The following CCDC60 variants were observed in gnomAD, a reference collection of about 807,000 sequenced individuals.
The protein encoded by CCDC60 is coiled-coil domain containing 60.
CCDC60 carries 54 observed loss-of-function variants against 63.5 expected under a neutral mutation model. The observed-to-expected ratio is 0.85, with a 90% CI of 0.68 to 1.07. The LOEUF is 1.07. Ranked by LOEUF, CCDC60 falls within the 50% of genes least tolerant of loss-of-function variation. CCDC60 has a pLI of 0.00. For synonymous variants in CCDC60, 206 were observed against 238.8 expected, an observed-to-expected ratio of 0.86 and a Z score of 1.27; for missense variants, 651 against 684.3, an observed-to-expected ratio of 0.95 and a Z score of 0.54.
intron 2 of CCDC60, among the ~76,000 whole-genome samples, chr12:119,450,856 C>CA (rs761740089): frequency 2.6e-4 from 22 of 85,516 alleles, no homozygotes; most frequent in Non-Finnish European, 3.6e-4. Context: ...GACTCCATCT[C>CA]AAAAAAAAAA....
intron 2 of CCDC60, among the ~76,000 whole-genome samples, chr12:119,431,245 A>G (rs1050846432): frequency 6.6e-6 from 1 of 152,238 alleles, no homozygotes; most frequent in African/African-American, 2.4e-5. Context: ...TGAAATCAGT[A>G]TCCCCGAGCA....
Position 119,420,932 on chromosome 12 carries a change from T to G in CCDC60, c.91-7751T>G, listed in dbSNP as rs1219835322. On this transcript the variant is annotated intron_variant, in intron 1 of 13. Coordinates refer to ENST00000327554, the MANE Select transcript of CCDC60 (RefSeq NM_178499.5). The surrounding 1 kb of genome is among the most constrained non-coding windows in gnomAD (Gnocchi z 4.1). Reference sequence around the variant, plus strand: ...GCTAAGGTCTCCGGGTTCATGTGTGTACTCCTGCCATGATCCCGCCTACTC... The same window carrying G: ...GCTAAGGTCTCCGGGTTCATGTGTGGACTCCTGCCATGATCCCGCCTACTC... Among the ~76,000 whole-genome samples, 1 of 152,214 alleles carries G rather than the reference T, an allele frequency of 6.6e-6. No homozygotes were observed. Among genetic ancestry groups the G allele is most frequent in the Non-Finnish European group, 1.5e-5 (1 of 68,040 alleles).
intron 5 of CCDC60, among the ~76,000 whole-genome samples, chr12:119,493,569 A>G (rs530864804): frequency 1.3e-5 from 2 of 152,190 alleles, no homozygotes; most frequent in South Asian, 2.1e-4. Context: ...CAATTTCATC[A>G]TGTGGCAATT....
At chr12:119,375,079 C>T (rs1955937784) in intron 1 of CCDC60, among the ~76,000 whole-genome samples, 1 of 152,126 alleles carries the variant, frequency 6.6e-6, no homozygotes, top group Admixed American at 6.5e-5. Flanking sequence ...AATGCCTAGC[C>T]TCCTGGGAAT....
intron 4 of CCDC60, among the ~76,000 whole-genome samples, chr12:119,485,997 A>G (rs1422797049): frequency 6.6e-6 from 1 of 152,032 alleles, no homozygotes; most frequent in Non-Finnish European, 1.5e-5. Context: ...CACATATCCC[A>G]AAGCCCAGGC....
At chr12:119,501,601 G>C (rs566955035) in intron 6 of CCDC60, among the ~76,000 whole-genome samples, 1 of 151,990 alleles carries the variant, frequency 6.6e-6, no homozygotes, top group Non-Finnish European at 1.5e-5. Flanking sequence ...CTTTCATCAG[G>C]GTGCTCCTAG....
At chr12:119,451,597 T>C (rs369403431) in intron 2 of CCDC60, among the ~76,000 whole-genome samples, 97 of 152,232 alleles carry the variant, frequency 6.4e-4, no homozygotes, top group African/African-American at 2.3e-3. Context: ...GCCATGGACA[T>C]CAGGAGTGGA....
intron 8 of CCDC60, among the ~76,000 whole-genome samples, chr12:119,516,916 C>G (rs1293162354): frequency 6.6e-6 from 1 of 152,150 alleles, no homozygotes; most frequent in African/African-American, 2.4e-5. Context: ...GCTCAGAGAG[C>G]CTATGTGACT....
Position 119,374,601 on chromosome 12 carries a change from C to T in CCDC60, c.90+39335C>T, listed in dbSNP as rs561794765. Among the ~76,000 whole-genome samples the T allele has an allele frequency of 4.6e-5, 7 of 152,160 alleles. No individual in the cohort carries two copies. In the South Asian group the frequency reaches 6.2e-4, roughly 14 times the overall value. On this transcript the variant is annotated intron_variant, in intron 1 of 13. Coordinates refer to ENST00000327554, the MANE Select transcript of CCDC60 (RefSeq NM_178499.5). ...CTTGGACCGCACATAAGAAAGAATA[C>T]GGGGCAAGTCCATAGAGTAAAGTGA... is the stretch of plus-strand genomic sequence containing the variant.
intron 13 of CCDC60, among the ~76,000 whole-genome samples, chr12:119,533,393 C>A (rs1952913075): frequency 6.6e-6 from 1 of 152,148 alleles, no homozygotes; most frequent in Non-Finnish European, 1.5e-5. Flanking sequence ...ATGATAGTTT[C>A]TTTTGCTGTG....
At chr12:119,354,112 TTCTC>T (rs368379448) in intron 1 of CCDC60, among the ~76,000 whole-genome samples, 65 of 151,690 alleles carry the variant, frequency 4.3e-4, no homozygotes, top group African/African-American at 1.4e-3. Context: ...TCTTCTCCAT[TTCTC>T]TCTCTCTCTT....
chr12:119,509,714 G>A (rs1281569265), intron 7 of CCDC60, among the ~76,000 whole-genome samples: 1 of 152,044 alleles, frequency 6.6e-6, no homozygotes. Flanking sequence ...AAGTATTTTT[G>A]TATCAGCTCC....
At chr12:119,424,511 T>G (rs898275860) in intron 1 of CCDC60, among the ~76,000 whole-genome samples, 1 of 152,226 alleles carries the variant, frequency 6.6e-6, no homozygotes, top group African/African-American at 2.4e-5. Context: ...CCTGGCGACA[T>G]AATTTCCTTG....
At chr12:119,499,448 G>A (rs1033741825) in intron 5 of CCDC60, among the ~76,000 whole-genome samples, 7 of 152,258 alleles carry the variant, frequency 4.6e-5, no homozygotes, top group Non-Finnish European at 8.8e-5. Flanking sequence ...CTGTAAGTAA[G>A]TGACTTAAAC....
intron 1 of CCDC60, among the ~76,000 whole-genome samples, chr12:119,403,159 ATCT>A (rs1171473367): frequency 6.6e-6 from 1 of 152,124 alleles, no homozygotes; most frequent in African/African-American, 2.4e-5. Flanking sequence ...GCAGAAAGAG[ATCT>A]TCTCTTTCCC....
At chr12:119,476,061 G>A (rs574712006) in intron 3 of CCDC60, among the ~76,000 whole-genome samples, 6 of 151,906 alleles carry the variant, frequency 3.9e-5, no homozygotes, top group East Asian at 1.9e-4. Context: ...TCATAAAAGC[G>A]AAAGGAATTA....
chr12:119,468,077 A>G (rs1950986462), intron 2 of CCDC60, among the ~76,000 whole-genome samples: 2 of 152,174 alleles, frequency 1.3e-5, no homozygotes, highest in South Asian at 2.1e-4. Context: ...GTTCAAGACC[A>G]GCCTGGCCAA....
rs754240408 is a variant in CCDC60 at position 119,479,191 on chromosome 12, G to A, written c.439G>A (p.Glu147Lys). The A allele has an allele frequency of 3.0e-5, 48 of 1,613,010 alleles. No individual in the cohort carries two copies. Among genetic ancestry groups the A allele is most frequent in the South Asian group, 8.8e-5 (8 of 91,044 alleles). The change falls in exon 4 of 14, where the codon GAG (glutamate) becomes AAG (lysine). Residue 147 changes from glutamate (E) to lysine (K), a missense_variant. Physicochemically the swap from Glu to Lys is moderately conservative, Grantham distance 56. Transcript: ENST00000327554. ...HSCIISPSLT[E>K]AHVEPLFRQL... ...CTGCATCATTTCTCCCTCGCTAACC[G>A]AGGCTCACGTGTAAGTAGTCTCACC...
chr12:119,486,740 A>C (rs1219789578), intron 4 of CCDC60, among the ~76,000 whole-genome samples: 1 of 152,100 alleles, frequency 6.6e-6, no homozygotes, highest in Non-Finnish European at 1.5e-5. Flanking sequence ...GTTCCCCTTC[A>C]AGCTAAGCAA....
Sources: allele counts gnomAD v4.1 joint callset (sites outside exome capture counted in the v4.1 genomes callset), GRCh38; gene constraint gnomAD v4.1.1; non-coding constraint Gnocchi (gnomAD v3.1); transcripts MANE v1.5; gene names NCBI Gene and HGNC (gene_info 2026-07-23, HGNC 2026-07-21).